The following PTK2 variants were observed in gnomAD, a reference collection of about 807,000 sequenced individuals.
PTK2 encodes the protein protein tyrosine kinase 2.
Under a neutral mutation model 150.1 loss-of-function variants are expected in PTK2, and 45 were observed. That is an observed-to-expected ratio of 0.30 (90% CI 0.24 to 0.38). PTK2 has a LOEUF of 0.38. PTK2 is among the 10% of genes least tolerant of loss of function. The probability of loss-of-function intolerance (pLI) is 1.00; values close to 1 mark genes in which losing one functional copy is unlikely to be tolerated. For missense variants in PTK2, 919 were observed against 1,307.3 expected (o/e 0.70, Z 4.58); for synonymous variants, 432 against 449.2 (o/e 0.96, Z 0.48).
At position 140,761,084 on chromosome 8, in the gene PTK2, G is replaced by A. The variant is rs539125844; in HGVS notation, c.1332+81C>T. 5 of 872,866 alleles carry A rather than the reference G, an allele frequency of 5.7e-6. No homozygotes were observed. The South Asian group carries it at 7.4e-5, about 13-fold the overall frequency. 54.1% of individuals were successfully genotyped at this position (872,866 alleles called of 1,614,324 possible). On this transcript the variant is annotated intron_variant, in intron 16 of 31. Coordinates refer to ENST00000522684, the Ensembl canonical transcript of PTK2. ...AATATTAATACCTAGAAGAACTAAGGACTCATGAAGACAAACAAAAGCAAT... is the reference window on the plus strand; with the variant it reads ...AATATTAATACCTAGAAGAACTAAGAACTCATGAAGACAAACAAAAGCAAT...
At chr8:140,727,756 T>A (rs1042243980) in intron 22 of PTK2, among the ~76,000 whole-genome samples, 3 of 152,120 alleles carry the variant, frequency 2.0e-5, no homozygotes, top group African/African-American at 7.2e-5. Context: ...CTATAAAACA[T>A]CAAAAAGATG....
chr8:140,693,564 TAAAAAAAAAAAAAAAAA>T (rs377205785), intron 26 of PTK2, among the ~76,000 whole-genome samples: 8 of 72,458 alleles, frequency 1.1e-4, no homozygotes, highest in Admixed American at 3.5e-4. Context: ...TTGTCTCAAT[TAAAAAAAAAAAAAAAAA>T]AAAAAAAAAA....
intron 27 of PTK2, among the ~76,000 whole-genome samples, chr8:140,679,384 CAAG>C (rs2100015824): frequency 1.3e-5 from 2 of 151,990 alleles, no homozygotes; most frequent in South Asian, 4.2e-4. Flanking sequence ...ACTCGGGTAA[CAAG>C]AAAGTTTAAT....
intron 16 of PTK2, among the ~76,000 whole-genome samples, chr8:140,752,936 G>A (rs558251842): frequency 3.9e-5 from 6 of 152,342 alleles, no homozygotes; most frequent in African/African-American, 1.4e-4. Flanking sequence ...GGGTGAAGAT[G>A]ACAGAGTCAG....
intron 10 of PTK2, among the ~76,000 whole-genome samples, chr8:140,808,580 A>G (rs2100099488): frequency 6.6e-6 from 1 of 151,452 alleles, no homozygotes; most frequent in Non-Finnish European, 1.5e-5. Context: ...AAATCATATT[A>G]CCTGCTCATA....
At chr8:140,690,857 G>T (rs1299381504) in intron 26 of PTK2, among the ~76,000 whole-genome samples, 3 of 152,200 alleles carry the variant, frequency 2.0e-5, no homozygotes, top group Admixed American at 6.5e-5. Context: ...AGTGAAGGGT[G>T]GGAGCTGTGG....
chr8:140,877,025 C>CTTTTT (rs60000363), intron 4 of PTK2, among the ~76,000 whole-genome samples: 7 of 71,874 alleles, frequency 9.7e-5, no homozygotes, highest in East Asian at 3.7e-4. Context: ...TTCACTAATC[C>CTTTTT]TTTTTTTTTT....
chr8:140,676,601 G>T (rs1165605105), intron 27 of PTK2, among the ~76,000 whole-genome samples: 1 of 110,922 alleles, frequency 9.0e-6, no homozygotes, highest in East Asian at 2.5e-4. Flanking sequence ...GAGTTGCCGC[G>T]GTCGGTGGGG....
At chr8:140,765,588 A>G (rs1268359153) in intron 14 of PTK2, among the ~76,000 whole-genome samples, 3 of 152,250 alleles carry the variant, frequency 2.0e-5, no homozygotes, top group Non-Finnish European at 4.4e-5. Flanking sequence ...CAGATAATCT[A>G]TATTATTCTT....
rs1030018150 is a variant in PTK2 at position 140,704,487 on chromosome 8, G to A, written c.2229+1632C>T. Among the ~76,000 whole-genome samples the A allele has an allele frequency of 2.0e-5, 3 of 152,322 alleles. No homozygotes were observed. The East Asian group carries it at 5.8e-4, about 29-fold the overall frequency. Reference sequence around the variant, plus strand: ...CGTACTAGAGTTTCAAATCTTGACAGTGCCGCAGACCAGGCCTGCTGGGAC... The same window carrying A: ...CGTACTAGAGTTTCAAATCTTGACAATGCCGCAGACCAGGCCTGCTGGGAC... On this transcript the variant is annotated intron_variant, in intron 24 of 31. Coordinates refer to ENST00000522684, the Ensembl canonical transcript of PTK2.
chr8:140,841,117 T>C (rs1234783485), intron 7 of PTK2, among the ~76,000 whole-genome samples: 1 of 152,176 alleles, frequency 6.6e-6, no homozygotes, highest in East Asian at 1.9e-4. Flanking sequence ...GCAAAGTCAT[T>C]ATCACAGATG....
chr8:140,663,477 T>C (rs73714713), intron 31 of PTK2, among the ~76,000 whole-genome samples: 5,596 of 152,314 alleles, frequency 0.037, 323 homozygotes, highest in African/African-American at 0.13. Flanking sequence ...CTGCAGATCC[T>C]GGACTCTGTA....
chr8:140,912,661 A>G (rs754650866), intron 2 of PTK2, among the ~76,000 whole-genome samples: 63 of 152,082 alleles, frequency 4.1e-4, no homozygotes, highest in Non-Finnish European at 8.8e-4. Context: ...AACCTTTTTC[A>G]ATTTGAAAAA....
At chr8:140,931,142 G>T (rs949234898) in intron 1 of PTK2, among the ~76,000 whole-genome samples, 3 of 151,492 alleles carry the variant, frequency 2.0e-5, no homozygotes, top group Non-Finnish European at 4.4e-5. Context: ...ACATGGATAT[G>T]CAATGAACCA....
chr8:140,874,074 G>A (rs1342581247), intron 4 of PTK2, among the ~76,000 whole-genome samples: 1 of 152,120 alleles, frequency 6.6e-6, no homozygotes, highest in Non-Finnish European at 1.5e-5. Context: ...GTGTATTGAG[G>A]TAGTATCCAA....
chr8:140,912,425 T>C (rs1319709233), intron 2 of PTK2, among the ~76,000 whole-genome samples: 1 of 151,842 alleles, frequency 6.6e-6, no homozygotes, highest in East Asian at 1.9e-4. Context: ...GCCCAGGAGC[T>C]TGAGATCAGC....
rs370537018 is a variant in PTK2 at position 140,820,076 on chromosome 8, G to GTTTTTTTTTTTTTTTTTTTTTTT, written c.649-1079_649-1057dup. The stretch of plus-strand genomic sequence containing the variant: ...AGAGGAGTGACTTTATCTGACTTTG[G>GTTTTTTTTTTTTTTTTTTTTTTT]TTTTTTTTTTTTTTTTTTTTTTTTT... On this transcript the variant is annotated intron_variant, in intron 8 of 31. Transcript: ENST00000522684. 1.6e-4 allele frequency among the ~76,000 whole-genome samples: 8 copies of GTTTTTTTTTTTTTTTTTTTTTTT among 50,254 alleles called. 1 individual carries two copies. Among genetic ancestry groups the GTTTTTTTTTTTTTTTTTTTTTTT allele is most frequent in the Non-Finnish European group, 3.3e-4 (8 of 23,966 alleles). 33.0% of individuals were successfully genotyped at this position (50,254 alleles called of 152,430 possible). A position where few individuals can be genotyped will look rare whatever the true frequency, so the allele number is the denominator to read the frequency against.
At chr8:140,791,789 C>T (rs1022601060) in intron 13 of PTK2, among the ~76,000 whole-genome samples, 1 of 151,904 alleles carries the variant, frequency 6.6e-6, no homozygotes, top group African/African-American at 2.4e-5. Flanking sequence ...AGAATATTGG[C>T]AAAGGCCTTC....
intron 8 of PTK2, chr8:140,822,016 A>C (rs1015457519): frequency 1.3e-5 from 2 of 152,230 alleles, no homozygotes; most frequent in East Asian, 1.9e-4. Flanking sequence ...CAGACTCTAC[A>C]ACAGAGCATG....
Sources: gnomAD v4.1 joint callset for allele counts (sites outside exome capture counted in the v4.1 genomes callset) on GRCh38, gnomAD v4.1.1 for gene constraint, MANE v1.5 for transcripts, NCBI Gene and HGNC (gene_info 2026-07-23, HGNC 2026-07-21) for gene names.